Variants in SH3RF2 observed in about 807,000 individuals in gnomAD.
SH3RF2 encodes the protein E3 ubiquitin-protein ligase SH3RF2.
In SH3RF2, 43 loss-of-function variants were observed where a neutral mutation model predicts 59.0. That is an observed-to-expected ratio of 0.73 (90% CI 0.57 to 0.94). SH3RF2 has a LOEUF of 0.94. Among genes scored for constraint, SH3RF2 ranks in the 40% least tolerant of loss-of-function variants. SH3RF2 has a pLI of 0.00. For missense variants in SH3RF2, 930 were observed against 940.1 expected (o/e 0.99, Z 0.14); for synonymous variants, 391 against 391.5 (o/e 1.00, Z 0.01).
At chr5:146,028,087 G>T in intron 5 of SH3RF2, among the ~76,000 whole-genome samples, 1 of 151,812 alleles carries the variant, frequency 6.6e-6, no homozygotes, top group African/African-American at 2.4e-5. Flanking sequence ...CTGTACCTCA[G>T]ACATTTTAAT....
At chr5:145,950,795 C>T (rs1758163163) in intron 2 of SH3RF2, among the ~76,000 whole-genome samples, 2 of 152,194 alleles carry the variant, frequency 1.3e-5, no homozygotes, top group African/African-American at 4.8e-5. Flanking sequence ...AAATATATTT[C>T]ATTCCTAACA....
intron 5 of SH3RF2, among the ~76,000 whole-genome samples, chr5:146,019,241 C>G (rs6872997): frequency 0.33 from 50,843 of 151,824 alleles, 8,984 homozygotes; most frequent in Non-Finnish European, 0.39. Flanking sequence ...TTATGGTTTC[C>G]GGTCTTAGAT....
chr5:146,061,108 C>T (rs1762874277), intron 9 of SH3RF2, among the ~76,000 whole-genome samples: 3 of 152,254 alleles, frequency 2.0e-5, no homozygotes, highest in Non-Finnish European at 4.4e-5. Context: ...AACCAGTTAT[C>T]GAATACTAAC....
rs993978146 is a variant in SH3RF2, at chr5:146,047,878, C to T, written c.1151+15C>T. On this transcript the variant is annotated intron_variant, in intron 6 of 9. Transcript: ENST00000359120. Reference sequence around the variant, plus strand: ...TCAGCGAACATGTGAGTAAAAGGCTCATCCCTTCACCCAAGTCCTGGCACA... The same window carrying T: ...TCAGCGAACATGTGAGTAAAAGGCTTATCCCTTCACCCAAGTCCTGGCACA... The T allele has an allele frequency of 3.1e-6, 5 of 1,612,366 alleles. No homozygotes were observed. The highest frequency in any genetic ancestry group is 4.2e-6 in the Non-Finnish European group (5 of 1,178,792).
In SH3RF2 at chr5:146,060,067, G is replaced by C; in HGVS notation, c.1757G>C (p.Ser586Thr). Residue 586 changes from serine to threonine, a missense_variant, in exon 9 of 10, where the codon AGC (serine) becomes ACC (threonine). Ser to Thr is a moderately conservative substitution (Grantham distance 58, BLOSUM62 1). Transcript: ENST00000359120. ...LTGEPALTCISRGSEAWIHSA... is the reference protein window; with the variant it reads ...LTGEPALTCITRGSEAWIHSA... ...GGGGAGCCCGCCCTCACGTGCATCA[G>C]CAGGGGCAGTGAGGCCTGGATCCAC... 6.2e-7 allele frequency: 1 copy of C among 1,613,880 alleles called. No homozygotes were observed. The highest frequency in any genetic ancestry group is 8.5e-7 in the Non-Finnish European group (1 of 1,179,920).
intron 9 of SH3RF2, among the ~76,000 whole-genome samples, chr5:146,070,078 A>G (rs1165941883): frequency 6.6e-6 from 1 of 152,026 alleles, no homozygotes; most frequent in Non-Finnish European, 1.5e-5. Flanking sequence ...CATGCTACAT[A>G]CATTGTGTCA....
chr5:146,073,564 C>A (rs1029787326), intron 9 of SH3RF2, among the ~76,000 whole-genome samples: 2 of 152,244 alleles, frequency 1.3e-5, no homozygotes, highest in African/African-American at 4.8e-5. Context: ...GACCTATGGG[C>A]TCCAGGCAAG....
intron 2 of SH3RF2, among the ~76,000 whole-genome samples, chr5:145,958,077 C>T (rs1347033289): frequency 6.6e-6 from 1 of 151,812 alleles, no homozygotes; most frequent in Admixed American, 6.6e-5. Flanking sequence ...CATGCCACTA[C>T]ACTCCAGCCT....
At chr5:146,066,354 A>G (rs1763106198), downstream of SH3RF2, among the ~76,000 whole-genome samples, 1 of 152,198 alleles carries the variant, frequency 6.6e-6, no homozygotes, top group South Asian at 2.1e-4. Context: ...TTAATCTCTC[A>G]GAGCCTCGTT....
intron 3 of SH3RF2, among the ~76,000 whole-genome samples, chr5:146,000,810 G>C (rs1760377634): frequency 6.6e-6 from 1 of 152,142 alleles, no homozygotes; most frequent in Non-Finnish European, 1.5e-5. Flanking sequence ...CTGGGAATAG[G>C]ACGTGAATAA....
At chr5:146,078,790 T>A (rs928562424) in exon 10 of SH3RF2, 4 of 152,282 alleles carry the variant, frequency 2.6e-5, no homozygotes, top group Admixed American at 1.3e-4. Flanking sequence ...TTTATCTTGC[T>A]AATTTCTCAC....
intron 2 of SH3RF2, among the ~76,000 whole-genome samples, chr5:145,970,288 C>G (rs956968253): frequency 2.6e-5 from 4 of 152,042 alleles, no homozygotes; most frequent in Admixed American, 6.6e-5. Flanking sequence ...ACCCTTCCCC[C>G]AGAGTCCCCA....
intron 5 of SH3RF2, among the ~76,000 whole-genome samples, chr5:146,044,138 T>TG (rs1239194032): frequency 4.1e-5 from 6 of 146,348 alleles, no homozygotes; most frequent in Non-Finnish European, 4.5e-5. Flanking sequence ...GGTCCGTTTT[T>TG]GTTTTTTTTT....
downstream of SH3RF2, among the ~76,000 whole-genome samples, chr5:146,065,072 G>A (rs943723019): frequency 6.6e-6 from 1 of 152,080 alleles, no homozygotes; most frequent in Non-Finnish European, 1.5e-5. Flanking sequence ...ATAAAATACT[G>A]CCATTGTGTC....
intron 2 of SH3RF2, among the ~76,000 whole-genome samples, chr5:145,998,200 T>G (rs1472360715): frequency 6.7e-6 from 1 of 150,260 alleles, no homozygotes; most frequent in Non-Finnish European, 1.5e-5. Context: ...GTGAATGCAA[T>G]GCAAACAATA....
At chr5:146,036,832 T>C (rs146098499) in intron 5 of SH3RF2, among the ~76,000 whole-genome samples, 143 of 152,270 alleles carry the variant, frequency 9.4e-4, no homozygotes, top group Non-Finnish European at 1.7e-3. Context: ...ATGCAGAGCA[T>C]AGCTATGGGG....
intron 2 of SH3RF2, among the ~76,000 whole-genome samples, chr5:145,965,128 G>A (rs1179247365): frequency 6.6e-6 from 1 of 152,076 alleles, no homozygotes; most frequent in Non-Finnish European, 1.5e-5. Flanking sequence ...AGGAGGCAGA[G>A]GTTGCAATGA....
At chr5:146,071,513 C>T (rs554075968) in intron 9 of SH3RF2, among the ~76,000 whole-genome samples, 8 of 152,242 alleles carry the variant, frequency 5.3e-5, no homozygotes, top group African/African-American at 1.7e-4. Context: ...CTTTTTTAAG[C>T]GTAAGTTGTT....
At chr5:146,029,014 G>GT (rs1761645301) in intron 5 of SH3RF2, among the ~76,000 whole-genome samples, 1 of 152,132 alleles carries the variant, frequency 6.6e-6, no homozygotes, top group South Asian at 2.1e-4. Context: ...AAAACAAATT[G>GT]TGCAGAGAAA....
Sources: gnomAD v4.1 joint callset for allele counts (sites outside exome capture counted in the v4.1 genomes callset) on GRCh38, gnomAD v4.1.1 for gene constraint, MANE v1.5 for transcripts, NCBI Gene and HGNC (gene_info 2026-07-23, HGNC 2026-07-21) for gene names.